Variants in TMCO1 observed in about 807,000 individuals in gnomAD.
TMCO1 encodes transmembrane and coiled-coil domains 1.
Under a neutral mutation model 29.3 loss-of-function variants are expected in TMCO1, and 29 were observed. The observed-to-expected ratio is 0.99, with a 90% CI of 0.74 to 1.35. The LOEUF (loss-of-function observed/expected upper bound fraction) is 1.35, where lower values mean the gene tolerates loss of function less well. Among genes scored for constraint, TMCO1 ranks in the 40% most tolerant of loss-of-function variants. TMCO1 has a pLI of 0.00. For missense variants in TMCO1, 173 were observed against 225.5 expected (o/e 0.77, Z 1.49); for synonymous variants, 80 against 77.1 (o/e 1.04, Z -0.20).
intron 6 of TMCO1, among the ~76,000 whole-genome samples, chr1:165,740,555 T>C (rs960756616): frequency 1.3e-5 from 2 of 152,124 alleles, no homozygotes; most frequent in South Asian, 2.1e-4. Flanking sequence ...ATTTTAAAAT[T>C]TCAGACTTAA....
At chr1:165,757,211 G>T (rs1652227755) in intron 3 of TMCO1, among the ~76,000 whole-genome samples, 1 of 152,154 alleles carries the variant, frequency 6.6e-6, no homozygotes, top group African/African-American at 2.4e-5. Flanking sequence ...TAATGTTGTG[G>T]ATGTTTTTGA....
At position 165,766,455 on chromosome 1, in the gene TMCO1, G is replaced by C. The variant is rs367680061; in HGVS notation, c.148+1737C>G. Among the ~76,000 whole-genome samples the C allele has an allele frequency of 1.2e-3, 177 of 152,300 alleles. 1 individual carries two copies. Among genetic ancestry groups the C allele is most frequent in the African/African-American group, 4.1e-3 (169 of 41,566 alleles). ...AATTTTGTGTCACTCCCAACAACGG[G>C]AGGTCAAGAAATGAAACCATCAAGT... On this transcript the variant is annotated intron_variant, in intron 2 of 6. Coordinates refer to ENST00000367881, the MANE Select transcript of TMCO1 (RefSeq NM_019026.6).
chr1:165,759,705 T>C (rs150843058), intron 2 of TMCO1, 121 bp from the exon 3 acceptor site: 2 of 784,574 alleles, frequency 2.5e-6, no homozygotes, highest in Non-Finnish European at 4.3e-6. Flanking sequence ...TGACTGATTA[T>C]GGTCATGATT....
At chr1:165,768,494 A>G in intron 1 of TMCO1, 188 bp downstream of exon 1, 1 of 1,544,912 alleles carries the variant, frequency 6.5e-7, no homozygotes, top group Non-Finnish European at 8.7e-7. Flanking sequence ...GAGACCAAAG[A>G]AAACTCGGCA....
chr1:165,741,141 T>C (rs1651579616), intron 6 of TMCO1, among the ~76,000 whole-genome samples: 1 of 152,226 alleles, frequency 6.6e-6, no homozygotes, highest in South Asian at 2.1e-4. Flanking sequence ...CCCAGTCTCT[T>C]AGTGAAACTA....
At chr1:165,729,997 T>C (rs924940578) in intron 6 of TMCO1, among the ~76,000 whole-genome samples, 1 of 151,938 alleles carries the variant, frequency 6.6e-6, no homozygotes, top group South Asian at 2.1e-4. Context: ...TCCTTCATCA[T>C]GAAGAATGAT....
intron 6 of TMCO1, 100 bp from the exon 7 acceptor site, chr1:165,728,221 T>G: frequency 1.1e-6 from 1 of 878,072 alleles, no homozygotes; most frequent in Non-Finnish European, 1.8e-6. Context: ...CTCATATAGA[T>G]TAAAGGAACC....
chr1:165,765,391 C>T (rs1459886956), intron 2 of TMCO1, among the ~76,000 whole-genome samples: 2 of 152,218 alleles, frequency 1.3e-5, no homozygotes, highest in Non-Finnish European at 2.9e-5. Context: ...TGAAGCAATT[C>T]TCCTGCCTCA....
intron 3 of TMCO1, among the ~76,000 whole-genome samples, chr1:165,758,480 C>T (rs563237558): frequency 2.7e-5 from 4 of 150,728 alleles, no homozygotes; most frequent in Non-Finnish European, 4.4e-5. Context: ...CGCTTGAACC[C>T]GGGAGGCAGA....
chr1:165,750,255 C>T (rs58638396), intron 5 of TMCO1, among the ~76,000 whole-genome samples: 2,020 of 152,076 alleles, frequency 0.013, 53 homozygotes, highest in African/African-American at 0.047. Flanking sequence ...CAGAGTACAT[C>T]CTGGCCAGGC....
chr1:165,760,032 T>C (rs978784306), intron 2 of TMCO1, among the ~76,000 whole-genome samples: 17 of 152,174 alleles, frequency 1.1e-4, no homozygotes, highest in Admixed American at 1.0e-3. Context: ...GATCCCTACC[T>C]TCTAAAGAAT....
At chr1:165,742,216 G>T (rs1398959925) in intron 6 of TMCO1, among the ~76,000 whole-genome samples, 3 of 151,806 alleles carry the variant, frequency 2.0e-5, no homozygotes, top group African/African-American at 7.3e-5. Context: ...ACTGAATAAT[G>T]CCCTAAAATA....
In TMCO1 at chr1:165,733,046, T is replaced by C. The variant is rs565929231; in HGVS notation, c.469-4925A>G. ...ACTTACACTCTGCAAGGCATTGTTCTAAGACCTTTATATGTATGTCCTCAT... is the reference window on the plus strand; with the variant it reads ...ACTTACACTCTGCAAGGCATTGTTCCAAGACCTTTATATGTATGTCCTCAT... On this transcript the variant is annotated intron_variant, in intron 6 of 6. Transcript: ENST00000367881. Among the ~76,000 whole-genome samples the C allele has an allele frequency of 8.4e-4, 128 of 152,348 alleles. 1 individual carries two copies. Among genetic ancestry groups the C allele is most frequent in the African/African-American group, 3.0e-3 (124 of 41,580 alleles).
intron 6 of TMCO1, among the ~76,000 whole-genome samples, chr1:165,740,562 T>G (rs1177399377): frequency 6.6e-6 from 1 of 152,156 alleles, no homozygotes; most frequent in Non-Finnish European, 1.5e-5. Flanking sequence ...AATTTCAGAC[T>G]TAACAAATTA....
At position 165,764,138 on chromosome 1, in the gene TMCO1, G is replaced by A. The variant is rs555274332; in HGVS notation, c.148+4054C>T. 1.9e-4 allele frequency among the ~76,000 whole-genome samples: 29 copies of A among 152,252 alleles called. No individual in the cohort carries two copies. The South Asian group carries it at 6.0e-3, about 32-fold the overall frequency. On this transcript the variant is annotated intron_variant, in intron 2 of 6. Coordinates refer to ENST00000367881, the MANE Select transcript of TMCO1 (RefSeq NM_019026.6). The stretch of plus-strand genomic sequence containing the variant: ...TTTGTATTTCATAAAACTACTCAAT[G>A]ATATAAATGACATGAAGAAATGTAT...
downstream of TMCO1, chr1:165,726,488 T>C (rs889244067): frequency 5.6e-6 from 3 of 533,058 alleles, no homozygotes; most frequent in African/African-American, 1.9e-5. Flanking sequence ...ACTATTAGGC[T>C]TTACACTGGT....
At chr1:165,743,425 AC>A (rs2101798895) in intron 5 of TMCO1, 114 bp from the exon 6 acceptor site, 1 of 1,092,930 alleles carries the variant, frequency 9.1e-7, no homozygotes, top group East Asian at 2.5e-5. Flanking sequence ...TCTCTGAAAA[AC>A]AAAGAGAGGG....
intron 3 of TMCO1, among the ~76,000 whole-genome samples, chr1:165,758,573 A>G (rs1276777740): frequency 1.3e-5 from 2 of 151,742 alleles, no homozygotes; most frequent in African/African-American, 2.4e-5. Context: ...AAACAAAAAC[A>G]AAAACAGAAA....
At chr1:165,738,558 A>G (rs1651473053) in intron 6 of TMCO1, among the ~76,000 whole-genome samples, 1 of 152,376 alleles carries the variant, frequency 6.6e-6, no homozygotes, top group African/African-American at 2.4e-5. Flanking sequence ...TTTAGTTCAA[A>G]GGAAGAAGCA....
Sources: gnomAD v4.1 joint callset for allele counts (sites outside exome capture counted in the v4.1 genomes callset) on GRCh38, gnomAD v4.1.1 for gene constraint, MANE v1.5 for transcripts, NCBI Gene and HGNC (gene_info 2026-07-23, HGNC 2026-07-21) for gene names.